The following DAP variants were observed in gnomAD, a reference collection of about 807,000 sequenced individuals.
DAP encodes the protein death associated protein.
Under a neutral mutation model 13.8 loss-of-function variants are expected in DAP, and 8 were observed. That is an observed-to-expected ratio of 0.58 (90% CI 0.34 to 1.05). The LOEUF is 1.05. Among genes scored for constraint, DAP ranks in the 50% least tolerant of loss-of-function variants. The pLI is 0.03. For missense variants in DAP, 106 were observed against 133.2 expected, an observed-to-expected ratio of 0.80 and a Z score of 1.01; for synonymous variants, 47 against 47.5, an observed-to-expected ratio of 0.99 and a Z score of 0.04.
At chr5:10,700,299 CAG>C (rs2126644728) in intron 2 of DAP, among the ~76,000 whole-genome samples, 2 of 152,280 alleles carry the variant, frequency 1.3e-5, no homozygotes, top group East Asian at 3.9e-4. Flanking sequence ...TGAGAAGTGA[CAG>C]AAAGTGCAAG....
At chr5:10,704,180 G>T (rs991447162) in intron 2 of DAP, among the ~76,000 whole-genome samples, 1 of 152,188 alleles carries the variant, frequency 6.6e-6, no homozygotes, top group African/African-American at 2.4e-5. Flanking sequence ...TTTTATAAAG[G>T]CAATATGTTA....
chr5:10,682,639 G>A (rs767598277), intron 3 of DAP, among the ~76,000 whole-genome samples: 4 of 152,256 alleles, frequency 2.6e-5, no homozygotes, highest in Non-Finnish European at 5.9e-5. Flanking sequence ...ATGGATAAAG[G>A]AAGGTGGAAG....
intron 2 of DAP, among the ~76,000 whole-genome samples, chr5:10,728,058 G>A (rs1447870640): frequency 7.8e-6 from 1 of 128,578 alleles, no homozygotes; most frequent in Non-Finnish European, 1.7e-5. Flanking sequence ...CTCTGCCGTG[G>A]GTTGAACCCT....
At chr5:10,756,831 C>T (rs1395844833) in intron 1 of DAP, among the ~76,000 whole-genome samples, 4 of 152,226 alleles carry the variant, frequency 2.6e-5, no homozygotes, top group Non-Finnish European at 5.9e-5. Flanking sequence ...CTGTGGAATG[C>T]TATGACTGCT....
intron 2 of DAP, among the ~76,000 whole-genome samples, chr5:10,730,487 A>C (rs779459184): frequency 3.3e-5 from 5 of 149,428 alleles, no homozygotes; most frequent in Admixed American, 1.3e-4. Context: ...TGGTTGGGGC[A>C]ATCTTTCTGT....
At chr5:10,752,845 A>T (rs1311919661) in intron 1 of DAP, among the ~76,000 whole-genome samples, 1 of 152,262 alleles carries the variant, frequency 6.6e-6, no homozygotes, top group Non-Finnish European at 1.5e-5. Flanking sequence ...AAATGCCTCC[A>T]ACAGGACCTG....
intron 2 of DAP, among the ~76,000 whole-genome samples, chr5:10,706,470 C>A (rs989353749): frequency 6.6e-6 from 1 of 152,208 alleles, no homozygotes; most frequent in Non-Finnish European, 1.5e-5. Flanking sequence ...GAAGCCTGGG[C>A]TCCTAACTGC....
At chr5:10,709,369 C>T (rs1480611998) in intron 2 of DAP, among the ~76,000 whole-genome samples, 1 of 152,222 alleles carries the variant, frequency 6.6e-6, no homozygotes, top group Non-Finnish European at 1.5e-5. Flanking sequence ...AGTGTGACTA[C>T]TGCATGGTGT....
intron 2 of DAP, among the ~76,000 whole-genome samples, chr5:10,736,494 G>A (rs949545801): frequency 6.6e-6 from 1 of 152,196 alleles, no homozygotes; most frequent in African/African-American, 2.4e-5. Flanking sequence ...TCCTGCATGG[G>A]GCTTCACACG....
chr5:10,701,489 C>T (rs553994181), intron 2 of DAP, among the ~76,000 whole-genome samples: 1 of 152,012 alleles, frequency 6.6e-6, no homozygotes, highest in Admixed American at 6.6e-5. Context: ...GATGTAAGTA[C>T]AAACATACTG....
chr5:10,758,579 G>A (rs1740257311), intron 1 of DAP, among the ~76,000 whole-genome samples: 1 of 152,144 alleles, frequency 6.6e-6, no homozygotes. Context: ...AGTTTACCTG[G>A]GGGATGAACA....
chr5:10,744,547 T>C (rs1268581769), intron 2 of DAP, among the ~76,000 whole-genome samples: 2 of 152,096 alleles, frequency 1.3e-5, no homozygotes, highest in Admixed American at 6.5e-5. Flanking sequence ...AATCAGTAAG[T>C]TTCATTTACA....
chr5:10,734,723 C>T (rs3922122), intron 2 of DAP, among the ~76,000 whole-genome samples: 1 of 152,262 alleles, frequency 6.6e-6, no homozygotes, highest in East Asian at 1.9e-4. Context: ...TGTTTAATTT[C>T]TATTATATAC....
chr5:10,712,307 A>T (rs1180815282), intron 2 of DAP, among the ~76,000 whole-genome samples: 1 of 150,386 alleles, frequency 6.6e-6, no homozygotes, highest in African/African-American at 2.5e-5. Context: ...AGTCTGTGGC[A>T]CTTTGTTAAG....
intron 2 of DAP, among the ~76,000 whole-genome samples, chr5:10,717,853 T>C (rs777865986): frequency 6.6e-6 from 1 of 152,230 alleles, no homozygotes; most frequent in Non-Finnish European, 1.5e-5. Flanking sequence ...GTGAAATTGA[T>C]AGGAAGCTTA....
At chr5:10,688,029 C>T (rs1396036229) in intron 2 of DAP, among the ~76,000 whole-genome samples, 1 of 151,498 alleles carries the variant, frequency 6.6e-6, no homozygotes, top group Non-Finnish European at 1.5e-5. Context: ...GATTCTCATG[C>T]CTCAGCCTCC....
intron 2 of DAP, among the ~76,000 whole-genome samples, chr5:10,734,960 C>G (rs951644062): frequency 6.6e-6 from 1 of 152,304 alleles, no homozygotes; most frequent in East Asian, 1.9e-4. Flanking sequence ...CTGAGAGCTC[C>G]CAGGGAAGCC....
chr5:10,725,825 G>A (rs532325659), intron 2 of DAP, among the ~76,000 whole-genome samples: 1 of 152,306 alleles, frequency 6.6e-6, no homozygotes, highest in East Asian at 1.9e-4. Flanking sequence ...AGTTACTTTG[G>A]TAATGACCTT....
chr5:10,691,888 GACC>G (rs1738317191), intron 2 of DAP, among the ~76,000 whole-genome samples: 1 of 152,174 alleles, frequency 6.6e-6, no homozygotes, highest in African/African-American at 2.4e-5. Context: ...ATCTGGCAAG[GACC>G]ACATCAAACT....
Sources: gnomAD v4.1 joint callset for allele counts (sites outside exome capture counted in the v4.1 genomes callset) on GRCh38, gnomAD v4.1.1 for gene constraint, MANE v1.5 for transcripts, NCBI Gene and HGNC (gene_info 2026-07-23, HGNC 2026-07-21) for gene names.